The following MTREX variants were observed in gnomAD, a reference collection of about 807,000 sequenced individuals.
MTREX encodes Mtr4 exosome RNA helicase.
In MTREX, 76 loss-of-function variants were observed where a neutral mutation model predicts 135.4. The observed-to-expected ratio is 0.56, with a 90% CI of 0.47 to 0.68. MTREX has a LOEUF of 0.68. MTREX is among the 30% of genes least tolerant of loss of function. The pLI, the probability that MTREX is intolerant of heterozygous loss-of-function variation, is 0.00. For synonymous variants in MTREX, 404 were observed against 401.6 expected (o/e 1.01, Z -0.07); for missense variants, 920 against 1,262.1 (o/e 0.73, Z 4.11).
intron 13 of MTREX, among the ~76,000 whole-genome samples, chr5:55,352,900 G>A (rs541402921): frequency 2.0e-5 from 3 of 152,172 alleles, no homozygotes; most frequent in Non-Finnish European, 4.4e-5. Context: ...CGTAAGACCA[G>A]TGTGTATTCT....
intron 21 of MTREX, among the ~76,000 whole-genome samples, chr5:55,402,735 T>A (rs903260043): frequency 2.0e-5 from 3 of 152,004 alleles, no homozygotes; most frequent in East Asian, 3.9e-4. Flanking sequence ...TGGTCTTTTT[T>A]TTTTCTTTTC....
intron 6 of MTREX, among the ~76,000 whole-genome samples, chr5:55,340,930 A>G (rs1749638941): frequency 6.6e-6 from 1 of 152,146 alleles, no homozygotes; most frequent in Non-Finnish European, 1.5e-5. Flanking sequence ...TTCTTCCCAT[A>G]ATTGCAGTTA....
At chr5:55,372,608 A>G (rs1561200570) in intron 16 of MTREX, among the ~76,000 whole-genome samples, 1 of 152,156 alleles carries the variant, frequency 6.6e-6, no homozygotes, top group Non-Finnish European at 1.5e-5. Context: ...GTGGAGTAGA[A>G]TTGTGAGTCC....
chr5:55,311,205 A>G (rs973807054), intron 1 of MTREX, among the ~76,000 whole-genome samples: 2 of 152,196 alleles, frequency 1.3e-5, no homozygotes, highest in Admixed American at 6.5e-5. Context: ...TGATCAGTCT[A>G]TTCCTACATC....
chr5:55,359,915 T>A (rs1749981093), intron 15 of MTREX, among the ~76,000 whole-genome samples: 1 of 152,202 alleles, frequency 6.6e-6, no homozygotes, highest in Admixed American at 6.5e-5. Context: ...TCATTGCATT[T>A]TTAAAATTAA....
chr5:55,406,784 C>T (rs1037901719), intron 22 of MTREX, among the ~76,000 whole-genome samples: 2 of 152,154 alleles, frequency 1.3e-5, no homozygotes, highest in African/African-American at 4.8e-5. Flanking sequence ...GAAATTTCCA[C>T]GTATGCACAT....
intron 14 of MTREX, chr5:55,356,483 C>G (rs1749916012): frequency 4.9e-6 from 1 of 203,310 alleles, no homozygotes; most frequent in Admixed American, 4.6e-5. Context: ...GGTGCAGATT[C>G]TTCGTGGATG....
In MTREX at chr5:55,343,431, A is replaced by T. The variant is rs554823334; in HGVS notation, c.882A>T (p.Glu294Asp). 11 of 1,613,238 alleles carry T rather than the reference A, an allele frequency of 6.8e-6. No homozygotes were observed. In the South Asian group the frequency reaches 1.2e-4, roughly 18 times the overall value. Residue 294 changes from glutamate to aspartate, a missense_variant, in exon 8 of 27, where the codon GAA (glutamate) becomes GAT (aspartate). Coordinates refer to ENST00000230640, the MANE Select transcript of MTREX (RefSeq NM_015360.5). ...ATIPNARQFAEWICHLHKQPC... is the reference protein window; with the variant it reads ...ATIPNARQFADWICHLHKQPC... ...TTCCAAATGCCCGACAGTTTGCTGA[A>T]TGGATTTGCCATTTACATAAACAGG...
intron 26 of MTREX, 89 bp from the exon 27 acceptor site, chr5:55,424,631 G>C (rs1053706422): frequency 5.9e-6 from 5 of 848,548 alleles, no homozygotes; most frequent in African/African-American, 1.7e-5. Flanking sequence ...GTTGAATCAG[G>C]GTTGGTATAC....
At chr5:55,386,680 T>C (rs1287968444) in intron 18 of MTREX, among the ~76,000 whole-genome samples, 1 of 152,106 alleles carries the variant, frequency 6.6e-6, no homozygotes, top group Non-Finnish European at 1.5e-5. Context: ...CAGAGAATAT[T>C]AAATTTATTA....
At chr5:55,394,413 G>A (rs1044422877) in intron 19 of MTREX, among the ~76,000 whole-genome samples, 2 of 152,200 alleles carry the variant, frequency 1.3e-5, no homozygotes, top group African/African-American at 4.8e-5. Context: ...AGTCTTTTTG[G>A]CACAAGAAAC....
chr5:55,370,164 C>G (rs1341770535), intron 16 of MTREX, among the ~76,000 whole-genome samples: 1 of 152,140 alleles, frequency 6.6e-6, no homozygotes, highest in Non-Finnish European at 1.5e-5. Context: ...CTCAGGTGAT[C>G]CACCCACCTT....
intron 5 of MTREX, among the ~76,000 whole-genome samples, chr5:55,330,178 C>T (rs1355494731): frequency 6.6e-6 from 1 of 151,878 alleles, no homozygotes; most frequent in East Asian, 1.9e-4. Context: ...CTTGTGGGCT[C>T]AAGCAGTCCA....
chr5:55,420,400 C>T (rs1366052890), intron 25 of MTREX, among the ~76,000 whole-genome samples: 1 of 152,114 alleles, frequency 6.6e-6, no homozygotes, highest in African/African-American at 2.4e-5. Context: ...TAAATAAAAG[C>T]ATATAGTCCC....
intron 24 of MTREX, among the ~76,000 whole-genome samples, chr5:55,415,092 GAC>G (rs1248202027): frequency 6.6e-6 from 1 of 151,926 alleles, no homozygotes; most frequent in Non-Finnish European, 1.5e-5. Context: ...ATTAGACAAA[GAC>G]AAGGAAAGAT....
chr5:55,400,094 T>C, intron 20 of MTREX, 139 bp from the exon 21 acceptor site: 1 of 555,914 alleles, frequency 1.8e-6, no homozygotes, highest in Admixed American at 3.5e-5. Flanking sequence ...CCCTATAATT[T>C]AAATTGGCAA....
At chr5:55,343,829 A>T (rs1391713475) in intron 8 of MTREX, among the ~76,000 whole-genome samples, 2 of 152,184 alleles carry the variant, frequency 1.3e-5, no homozygotes, top group African/African-American at 2.4e-5. Context: ...AAAGCTGGGC[A>T]TCTCTGGAGC....
At chr5:55,318,378 A>C (rs1420883646) in intron 1 of MTREX, among the ~76,000 whole-genome samples, 1 of 152,236 alleles carries the variant, frequency 6.6e-6, no homozygotes, top group Non-Finnish European at 1.5e-5. Flanking sequence ...CCAAATGCCC[A>C]TCAATGACAG....
intron 3 of MTREX, 166 bp from the exon 4 acceptor site, chr5:55,327,550 T>A (rs1749402802): frequency 1.8e-6 from 1 of 561,298 alleles, no homozygotes; most frequent in African/African-American, 1.9e-5. Context: ...GCTTTTTGCC[T>A]TGTTCTTAAA....
Sources: gnomAD v4.1 joint callset for allele counts (sites outside exome capture counted in the v4.1 genomes callset) on GRCh38, gnomAD v4.1.1 for gene constraint, MANE v1.5 for transcripts, NCBI Gene and HGNC (gene_info 2026-07-23, HGNC 2026-07-21) for gene names.